Variants in ASNS observed in about 807,000 individuals in gnomAD.
ASNS encodes asparagine synthetase [glutamine-hydrolyzing].
A neutral mutation model predicts 62.6 loss-of-function variants in ASNS; 37 were observed. The observed-to-expected ratio is 0.59, with a 90% CI of 0.45 to 0.78. The LOEUF (loss-of-function observed/expected upper bound fraction) is 0.78, where lower values mean the gene tolerates loss of function less well. ASNS is among the 30% of genes least tolerant of loss of function. The pLI, the probability that ASNS is intolerant of heterozygous loss-of-function variation, is 0.00. For missense variants in ASNS, 520 were observed against 682.4 expected (o/e 0.76, Z 2.65); for synonymous variants, 207 against 237.9 (o/e 0.87, Z 1.19).
chr7:97,872,268 C>G (rs992781157), intron 1 of ASNS, 83 bp downstream of exon 1: 1 of 150,894 alleles, frequency 6.6e-6, no homozygotes, highest in Non-Finnish European at 1.5e-5. Context: ...CATCCTCCAC[C>G]CCTTCCTTCC....
chr7:97,887,699 C>A, the ASNS span, among the ~76,000 whole-genome samples: 1 of 151,692 alleles, frequency 6.6e-6, no homozygotes, highest in Non-Finnish European at 1.5e-5. Flanking sequence ...CAATCCTCAG[C>A]TGACCCATAG....
the ASNS span, among the ~76,000 whole-genome samples, chr7:97,896,735 C>CATATATATATATATATATAT: frequency 4.8e-4 from 12 of 24,942 alleles, no homozygotes; most frequent in Non-Finnish European, 6.5e-4. Context: ...CACACACACA[C>CATATATATATATATATATAT]ACACACATAT....
chr7:97,875,262 C>A (rs1208465687), upstream of ASNS, among the ~76,000 whole-genome samples: 1 of 152,158 alleles, frequency 6.6e-6, no homozygotes, highest in Non-Finnish European at 1.5e-5. Context: ...TCTCCTGCCT[C>A]CTGAGTAGCT....
At chr7:97,860,958 C>G (rs1323097396) in intron 4 of ASNS, among the ~76,000 whole-genome samples, 2 of 149,806 alleles carry the variant, frequency 1.3e-5, no homozygotes, top group African/African-American at 2.5e-5. Flanking sequence ...ATGTTTGCTT[C>G]TCGGGATTTT....
the ASNS span, among the ~76,000 whole-genome samples, chr7:97,878,424 A>C: frequency 6.6e-6 from 1 of 152,156 alleles, no homozygotes; most frequent in Admixed American, 6.5e-5. Flanking sequence ...CCCCATCTCT[A>C]CTAAAAATAG....
chr7:97,903,297 C>T, the ASNS span, among the ~76,000 whole-genome samples: 2 of 149,138 alleles, frequency 1.3e-5, no homozygotes, highest in Admixed American at 6.7e-5. Context: ...ATTTAGTTTC[C>T]ATTCTTTCTG....
the ASNS span, among the ~76,000 whole-genome samples, chr7:97,897,182 C>T: frequency 2.0e-5 from 3 of 152,208 alleles, no homozygotes. Context: ...ATACCTTCTG[C>T]GTATCAAAGA....
the ASNS span, among the ~76,000 whole-genome samples, chr7:97,889,460 T>C: frequency 6.6e-6 from 1 of 152,084 alleles, no homozygotes; most frequent in Non-Finnish European, 1.5e-5. Context: ...GAGGTTGCGG[T>C]GAGCTGAGAT....
chr7:97,926,123 G>A, the ASNS span, among the ~76,000 whole-genome samples: 5 of 143,384 alleles, frequency 3.5e-5, no homozygotes, highest in South Asian at 4.6e-4. Context: ...CTGGGGTCCC[G>A]ATTTACCTGC....
intron 4 of ASNS, chr7:97,863,307 G>A (rs1299528160): frequency 1.3e-5 from 2 of 152,184 alleles, no homozygotes; most frequent in East Asian, 3.8e-4. Context: ...TAAGAAGTAA[G>A]TACTGATACA....
the ASNS span, among the ~76,000 whole-genome samples, chr7:97,905,008 T>C: frequency 6.6e-6 from 1 of 152,196 alleles, no homozygotes; most frequent in African/African-American, 2.4e-5. Flanking sequence ...AGGATGACCA[T>C]GTTCTCACCA....
intron 7 of ASNS, among the ~76,000 whole-genome samples, chr7:97,857,549 A>T (rs1293448377): frequency 6.6e-6 from 1 of 151,040 alleles, no homozygotes; most frequent in African/African-American, 2.4e-5. Flanking sequence ...GAGTAGAGCC[A>T]GGATTTCAAA....
the ASNS span, among the ~76,000 whole-genome samples, chr7:97,890,221 C>T: frequency 6.6e-6 from 1 of 151,992 alleles, no homozygotes; most frequent in Admixed American, 6.6e-5. Flanking sequence ...TCACCAAAAA[C>T]TGAAATTCTG....
At chr7:97,872,126 C>G (rs1170569245) in intron 1 of ASNS, 2 of 152,296 alleles carry the variant, frequency 1.3e-5, no homozygotes, top group East Asian at 3.8e-4. Context: ...GGAACCAGGA[C>G]AGAAAGGTCC....
At chr7:97,906,660 G>T in the ASNS span, 1 of 158,988 alleles carries the variant, frequency 6.3e-6, no homozygotes, top group Non-Finnish European at 1.4e-5. Flanking sequence ...ATAACCTTGT[G>T]TATTATTCTA....
At chr7:97,898,938 G>C in the ASNS span, 1 of 1,113,330 alleles carries the variant, frequency 9.0e-7, no homozygotes, top group Admixed American at 1.7e-5. Context: ...AGACCCTTGA[G>C]ACCATCAGAT....
At chr7:97,910,695 G>A in the ASNS span, among the ~76,000 whole-genome samples, 3 of 151,746 alleles carry the variant, frequency 2.0e-5, 1 homozygote, top group South Asian at 4.2e-4. Context: ...TCCGCCTCCC[G>A]GGTTCAAGTG....
At chr7:97,871,503 T>TAAAA (rs35467050) in intron 1 of ASNS, among the ~76,000 whole-genome samples, 1 of 150,358 alleles carries the variant, frequency 6.7e-6, no homozygotes. Flanking sequence ...ATTTAAAATT[T>TAAAA]AAAAAAAAAA....
chr7:97,858,842 A>G lies in ASNS; in HGVS notation c.775+12T>C. ...ACATGAAATATAATTAGGTTTTTTT[A>G]ATTGACTTCACCTGATAAAAGGCAG... On this transcript the variant is annotated intron_variant, in intron 6 of 12. Transcript: ENST00000394308. 1 of 1,569,708 alleles carries G rather than the reference A, an allele frequency of 6.4e-7. No individual in the cohort carries two copies. Among genetic ancestry groups the G allele is most frequent in the Non-Finnish European group, 8.7e-7 (1 of 1,152,402 alleles).
Sources: allele counts gnomAD v4.1 joint callset (sites outside exome capture counted in the v4.1 genomes callset), GRCh38; gene constraint gnomAD v4.1.1; transcripts MANE v1.5; gene names NCBI Gene and HGNC (gene_info 2026-07-23, HGNC 2026-07-21).